NIPA2: variants seen among roughly 807,000 people sequenced by gnomAD.
NIPA2 encodes NIPA magnesium transporter 2.
In NIPA2, 11 loss-of-function variants were observed where a neutral mutation model predicts 29.7. The observed-to-expected ratio is 0.37, with a 90% confidence interval of 0.23 to 0.61. The LOEUF is 0.61. NIPA2 is among the 20% of genes least tolerant of loss of function. NIPA2 has a pLI of 0.66. For synonymous variants in NIPA2, 183 were observed against 161.9 expected (o/e 1.13, Z -0.99); for missense variants, 426 against 437.9 (o/e 0.97, Z 0.24).
Position 22,864,194 on chromosome 15 carries a change from T to C in NIPA2, c.449-2019T>C, listed in dbSNP as rs531591893. 6.8e-3 allele frequency among the ~76,000 whole-genome samples: 1,037 copies of C among 152,136 alleles called. 21 individuals are homozygous for C. Among genetic ancestry groups the C allele is most frequent in the Non-Finnish European group, 8.5e-3 (575 of 67,972 alleles). On this transcript the variant is annotated intron_variant, in intron 7 of 7. Transcript: ENST00000337451. ...TTTTTGAGACAGAGTCTTGCTCTGT[T>C]GCCCAGGCTGGAGTGCAGTGGCGTG...
chr15:22,846,837 A>T (rs71400449), intron 3 of NIPA2, among the ~76,000 whole-genome samples: 4,727 of 101,070 alleles, frequency 0.047, 118 homozygotes, highest in African/African-American at 0.091. Context: ...TAATAATAAT[A>T]ATAATTATTA....
chr15:22,848,046 C>T (rs1195046974), intron 3 of NIPA2, among the ~76,000 whole-genome samples: 1 of 152,136 alleles, frequency 6.6e-6, no homozygotes, highest in African/African-American at 2.4e-5. Flanking sequence ...GATCCGCCCA[C>T]CTCGGCCTCC....
intron 5 of NIPA2, among the ~76,000 whole-genome samples, chr15:22,855,844 G>A (rs1000169247): frequency 3.9e-5 from 6 of 152,148 alleles, no homozygotes; most frequent in Non-Finnish European, 8.8e-5. Flanking sequence ...TGAAGGCCAC[G>A]AGTGGGGAGC....
rs1157194863 is a variant in NIPA2 at position 22,838,670 on chromosome 15, G to T, written c.-603G>T. On this transcript the variant is annotated 5_prime_UTR_variant, in exon 1 of 8. Coordinates refer to ENST00000337451, the MANE Select transcript of NIPA2 (RefSeq NM_030922.7). ...TTTAGCCGCGCCTAGGTTTTCCGGC[G>T]CCGGCCCTAGGTCCCGGCAGCGGTG... 2 of 152,498 alleles carry T rather than the reference G, an allele frequency of 1.3e-5. No homozygotes were observed. The highest frequency in any genetic ancestry group is 4.8e-5 in the African/African-American group (2 of 41,572). The allele number at this position is 152,498 out of a possible 1,614,324, so 9.4% of individuals were successfully genotyped here. A position where few individuals can be genotyped will look rare whatever the true frequency, so the allele number is the denominator to read the frequency against.
chr15:22,858,597 T>C lies in NIPA2; in HGVS notation c.254T>C (p.Val85Ala). ...AAYAFAPATL[V>A]TPLGALSVLV... The stretch of plus-strand genomic sequence containing the variant: ...TATGCGTTTGCACCAGCCACTCTAG[T>C]GACTCCACTAGGAGCTCTCAGCGTG... Residue 85 changes from valine (V) to alanine (A), a missense_variant, in exon 6 of 8, where the codon GTG becomes GCG. Coordinates refer to ENST00000337451, the MANE Select transcript of NIPA2 (RefSeq NM_030922.7). 1 of 1,607,474 alleles carries C rather than the reference T, an allele frequency of 6.2e-7. No homozygotes were observed. The highest frequency in any genetic ancestry group is 1.1e-5 in the South Asian group (1 of 90,122).
intron 7 of NIPA2, among the ~76,000 whole-genome samples, chr15:22,864,543 A>G (rs2058845063): frequency 6.6e-6 from 1 of 152,162 alleles, no homozygotes; most frequent in Non-Finnish European, 1.5e-5. Context: ...CATCCTGGGA[A>G]TTGACTGGGG....
chr15:22,862,895 A>ATTTTTTTTTTTTTTTTTTTTTTTTTTT (rs2058716824), intron 7 of NIPA2, among the ~76,000 whole-genome samples: 1 of 103,434 alleles, frequency 9.7e-6, no homozygotes, highest in Admixed American at 1.0e-4. Context: ...GTTTGCCTTT[A>ATTTTTTTTTTTTTTTTTTTTTTTTTTT]TTCTTTTTTT....
chr15:22,853,168 G>A, intron 4 of NIPA2, 44 bp from the exon 5 acceptor site: 1 of 1,274,568 alleles, frequency 7.8e-7, no homozygotes, highest in South Asian at 1.2e-5. Flanking sequence ...TTATACAAGA[G>A]TCTTACAGTC....
At chr15:22,843,092 C>G (rs967663783) in intron 2 of NIPA2, among the ~76,000 whole-genome samples, 1 of 151,506 alleles carries the variant, frequency 6.6e-6, no homozygotes, top group Non-Finnish European at 1.5e-5. Flanking sequence ...GGTCTTCTTG[C>G]TACAAACAGG....
At chr15:22,856,941 A>G (rs1195289200) in intron 5 of NIPA2, among the ~76,000 whole-genome samples, 1 of 152,238 alleles carries the variant, frequency 6.6e-6, no homozygotes, top group Non-Finnish European at 1.5e-5. Context: ...TTTTCAATTT[A>G]GATAATTCCT....
At chr15:22,849,248 A>G (rs1232312742) in intron 3 of NIPA2, among the ~76,000 whole-genome samples, 1 of 152,012 alleles carries the variant, frequency 6.6e-6, no homozygotes, top group Non-Finnish European at 1.5e-5. Flanking sequence ...TATTTGGCAC[A>G]TAAAGTGGGT....
In NIPA2 at chr15:22,867,298, T is replaced by C. The variant is rs1313788652; in HGVS notation, c.*451T>C. The C allele has an allele frequency of 2.5e-6, 1 of 398,460 alleles. No individual in the cohort carries two copies. The highest frequency in any genetic ancestry group is 4.4e-6 in the Non-Finnish European group (1 of 226,054). 24.7% of individuals were successfully genotyped at this position (398,460 alleles called of 1,614,324 possible). Reference sequence around the variant, plus strand: ...GATTTACCTTACCTACAAAAGTGGCTCCTGTTTGTTTGATGATGATTGGTT... The same window carrying C: ...GATTTACCTTACCTACAAAAGTGGCCCCTGTTTGTTTGATGATGATTGGTT... On this transcript the variant is annotated 3_prime_UTR_variant, in exon 8 of 8. Transcript: ENST00000337451.
rs73422119 is a variant in NIPA2, at chr15:22,844,778, C to A, written c.-215-368C>A. Among the ~76,000 whole-genome samples the A allele has an allele frequency of 5.1e-3, 774 of 152,166 alleles. 4 individuals are homozygous for A. Among genetic ancestry groups the A allele is most frequent in the African/African-American group, 0.016 (672 of 41,494 alleles). On this transcript the variant is annotated intron_variant, in intron 2 of 7. Transcript: ENST00000337451. Reference sequence around the variant, plus strand: ...AAAACCACAACAACAACAACAACAACAAAAAAGCCCTTCCCCTCCCACACA... The same window carrying A: ...AAAACCACAACAACAACAACAACAAAAAAAAAGCCCTTCCCCTCCCACACA...
At chr15:22,849,727 TTTTG>T (rs554186498) in intron 3 of NIPA2, among the ~76,000 whole-genome samples, 4 of 151,914 alleles carry the variant, frequency 2.6e-5, no homozygotes, top group Non-Finnish European at 4.4e-5. Flanking sequence ...TTCCGGCTAA[TTTTG>T]TTTTTGTATT....
intron 7 of NIPA2, among the ~76,000 whole-genome samples, chr15:22,866,009 A>C (rs1415655395): frequency 1.3e-5 from 2 of 152,176 alleles, no homozygotes; most frequent in African/African-American, 4.8e-5. Context: ...CAATTTGTGA[A>C]TATGAAGCTC....
At position 22,840,859 on chromosome 15, in the gene NIPA2, A is replaced by C. The variant is rs560478740; in HGVS notation, c.-216+1069A>C. On this transcript the variant is annotated intron_variant, in intron 2 of 7. Transcript: ENST00000337451. ...TTTCACATATTTTCAGAATGTTTTT[A>C]ATAGGTAAATATGGTTTACTCATAT... Among the ~76,000 whole-genome samples the C allele has an allele frequency of 1.9e-4, 29 of 152,294 alleles. No homozygotes were observed. In the South Asian group the frequency reaches 5.6e-3, roughly 29 times the overall value.
rs929556650 is a variant in NIPA2, at chr15:22,838,686, G to C, written c.-587G>C. 5 of 152,466 alleles carry C rather than the reference G, an allele frequency of 3.3e-5. No individual in the cohort carries two copies. The highest frequency in any genetic ancestry group is 3.3e-4 in the Admixed American group (5 of 15,292). The allele number at this position is 152,466 out of a possible 1,614,324, so 9.4% of individuals were successfully genotyped here. A position where few individuals can be genotyped will look rare whatever the true frequency, so the allele number is the denominator to read the frequency against. Reference sequence around the variant, plus strand: ...TTTTCCGGCGCCGGCCCTAGGTCCCGGCAGCGGTGGTGACGGCGGTGCCGG... The same window carrying C: ...TTTTCCGGCGCCGGCCCTAGGTCCCCGCAGCGGTGGTGACGGCGGTGCCGG... On this transcript the variant is annotated 5_prime_UTR_variant, in exon 1 of 8. Transcript: ENST00000337451.
chr15:22,857,408 T>C (rs940658798), intron 5 of NIPA2, among the ~76,000 whole-genome samples: 3 of 147,152 alleles, frequency 2.0e-5, no homozygotes, highest in African/African-American at 7.6e-5. Flanking sequence ...GCCATTGCAG[T>C]GCAGACTGGG....
intron 3 of NIPA2, among the ~76,000 whole-genome samples, chr15:22,848,933 G>C (rs2057498598): frequency 6.6e-6 from 1 of 151,772 alleles, no homozygotes; most frequent in African/African-American, 2.4e-5. Context: ...ATGTGCATAG[G>C]CTAAAAGGGC....
Sources: allele counts gnomAD v4.1 joint callset (sites outside exome capture counted in the v4.1 genomes callset), GRCh38; gene constraint gnomAD v4.1.1; transcripts MANE v1.5; gene names NCBI Gene and HGNC (gene_info 2026-07-23, HGNC 2026-07-21).